Variants in NLRP3 observed in about 807,000 individuals in gnomAD.
NLRP3 encodes the protein NLR family pyrin domain containing 3.
NLRP3 carries 48 observed loss-of-function variants against 91.3 expected under a neutral mutation model. The observed-to-expected ratio is 0.53, with a 90% CI of 0.42 to 0.67. The LOEUF (loss-of-function observed/expected upper bound fraction) is 0.67. Among genes scored for constraint, NLRP3 ranks in the 30% least tolerant of loss-of-function variants. The pLI is 0.00. For synonymous variants in NLRP3, 561 were observed against 507.9 expected (o/e 1.10, Z -1.41); for missense variants, 982 against 1,276.9 (o/e 0.77, Z 3.52).
chr1:247,419,164 A>ATTTTTTTT lies in NLRP3; in HGVS notation c.277+89_277+96dup, dbSNP rs796602770. On this transcript the variant is annotated intron_variant, in intron 2 of 9. Coordinates refer to ENST00000336119, the MANE Select transcript of NLRP3 (RefSeq NM_001243133.2). ...CATCTTTATATATATATATATATAT[A>ATTTTTTTT]TTTTTTTTTGAGACGGAGTTGCTCT... 21 of 693,364 alleles carry ATTTTTTTT rather than the reference A, an allele frequency of 3.0e-5. No individual in the cohort carries two copies. The African/African-American group carries it at 6.4e-4, about 21-fold the overall frequency. The allele number at this position is 693,364 out of a possible 1,614,324, so 43.0% of individuals were successfully genotyped here. A position where few individuals can be genotyped will look rare whatever the true frequency, so the allele number is the denominator to read the frequency against.
At chr1:247,429,175 G>T (rs967608501) in intron 4 of NLRP3, among the ~76,000 whole-genome samples, 1 of 152,312 alleles carries the variant, frequency 6.6e-6, no homozygotes, top group Admixed American at 6.5e-5. Context: ...TTACAGGTGT[G>T]AGCCACCATG....
In NLRP3 at chr1:247,425,289, G is replaced by A. The variant is rs1332074159; in HGVS notation, c.1840G>A (p.Ala614Thr). 6.2e-7 allele frequency: 1 copy of A among 1,614,042 alleles called. No homozygotes were observed. The highest frequency in any genetic ancestry group is 8.5e-7 in the Non-Finnish European group (1 of 1,180,034). The change falls in exon 4 of 10, where the codon GCC (alanine) becomes ACC (threonine). Residue 614 changes from alanine to threonine, a missense_variant. By Grantham distance (58) the Ala-to-Thr change is moderately conservative. Around this residue, in one of 5 missense-constraint regions of NLRP3, gnomAD observed 32 missense variants for 60.3 expected, o/e 0.53. Coordinates refer to ENST00000336119, the MANE Select transcript of NLRP3 (RefSeq NM_001243133.2). The surrounding 1 kb of genome is among the most constrained non-coding windows in gnomAD (Gnocchi z 4.1). ...LELLKWIEVK[A>T]KAKKLQIQPS... is the part of the protein sequence containing the mutation. ...GCTGCTGAAATGGATTGAAGTGAAAGCCAAAGCTAAAAAGCTGCAGATCCA... is the reference window on the plus strand; with the variant it reads ...GCTGCTGAAATGGATTGAAGTGAAAACCAAAGCTAAAAAGCTGCAGATCCA...
chr1:247,427,646 T>A (rs1662996115), intron 4 of NLRP3, among the ~76,000 whole-genome samples: 1 of 147,126 alleles, frequency 6.8e-6, no homozygotes, highest in African/African-American at 2.5e-5. Flanking sequence ...CAGCACCCAT[T>A]TCTCTAGATA....
intron 7 of NLRP3, among the ~76,000 whole-genome samples, chr1:247,437,874 G>A (rs980415196): frequency 6.6e-6 from 1 of 152,238 alleles, no homozygotes; most frequent in Non-Finnish European, 1.5e-5. Flanking sequence ...GATGGGCTGT[G>A]AAGGAGCCGG....
chr1:247,444,115 A>G lies in NLRP3; in HGVS notation c.2807A>G (p.His936Arg), dbSNP rs1329217260. 6.2e-7 allele frequency: 1 copy of G among 1,614,016 alleles called. No individual in the cohort carries two copies. Among genetic ancestry groups the G allele is most frequent in the African/African-American group, 1.3e-5 (1 of 74,896 alleles). The change falls in exon 8 of 10, where the codon CAC becomes CGC. Residue 936 changes from histidine (H) to arginine (R), a missense_variant. Around this residue, in one of 5 missense-constraint regions of NLRP3, gnomAD observed 373 missense variants for 431.5 expected, o/e 0.86. Coordinates refer to ENST00000336119, the MANE Select transcript of NLRP3 (RefSeq NM_001243133.2). ...GIKLLCEGLL[H>R]PDCKLQVLEL... ...AAACTACTCTGTGAGGGACTCTTGC[A>G]CCCCGACTGCAAGCTTCAGGTGTTG...
chr1:247,436,144 A>G lies in NLRP3; in HGVS notation c.2663+4A>G. ...AGTGTAACCTGCAGAAACTGGGGTA[A>G]GTCTTCATGGGTGTCTTACCAGAAA... On this transcript the variant is annotated splice_donor_region_variant and intron_variant, in intron 7 of 9. Coordinates refer to ENST00000336119, the MANE Select transcript of NLRP3 (RefSeq NM_001243133.2). 6.2e-7 allele frequency: 1 copy of G among 1,614,090 alleles called. No homozygotes were observed. The highest frequency in any genetic ancestry group is 1.1e-5 in the South Asian group (1 of 91,080).
rs1446543107 is a variant in NLRP3 at position 247,416,920 on chromosome 1, CT to C, written c.-749+730del. ...TGCCTCCCTTGAGTGTTATTTATGG[CT>C]TTAGGTTGAGGTGCTTTGCCAAATA... On this transcript the variant is annotated intron_variant, in intron 1 of 9. Coordinates refer to ENST00000336119, the MANE Select transcript of NLRP3 (RefSeq NM_001243133.2). Among the ~76,000 whole-genome samples the C allele has an allele frequency of 1.6e-4, 24 of 152,126 alleles. No homozygotes were observed. The East Asian group carries it at 4.4e-3, about 28-fold the overall frequency.
chr1:247,422,332 T>C (rs1252182753), intron 2 of NLRP3, among the ~76,000 whole-genome samples: 1 of 151,528 alleles, frequency 6.6e-6, no homozygotes, highest in Non-Finnish European at 1.5e-5. Flanking sequence ...GGAGCCATGA[T>C]TGTGTCATTG....
chr1:247,435,884 G>C (rs756935210), intron 6 of NLRP3, 86 bp from the exon 7 acceptor site: 13 of 1,232,130 alleles, frequency 1.1e-5, no homozygotes, highest in Non-Finnish European at 1.6e-5. Context: ...AACTGGAGTA[G>C]AGGCAGTGGC....
rs1169974045 is a variant in NLRP3 at position 247,429,723 on chromosome 1, C to G, written c.2289C>G (p.Leu763=). 1 of 1,614,064 alleles carries G rather than the reference C, an allele frequency of 6.2e-7. No homozygotes were observed. Residue 763 remains leucine (L), a synonymous_variant, in exon 5 of 10, where the codon CTC becomes CTG. Coordinates refer to ENST00000336119, the MANE Select transcript of NLRP3 (RefSeq NM_001243133.2). ...GGATGAGAGTGTTGTGTGAAACGCT[C>G]CAGCATCCTGGCTGTAACATTCGGA... ...DPGMRVLCET[L]QHPGCNIRRL... is the part of the protein sequence containing the mutation.
chr1:247,446,681 C>CTT (rs56193345), intron 9 of NLRP3, among the ~76,000 whole-genome samples: 1 of 152,164 alleles, frequency 6.6e-6, no homozygotes, highest in African/African-American at 2.4e-5. Context: ...AATAGAAGCA[C>CTT]TTTTTCTTCT....
At chr1:247,422,939 G>A (rs1319428318) in intron 2 of NLRP3, among the ~76,000 whole-genome samples, 1 of 152,232 alleles carries the variant, frequency 6.6e-6, no homozygotes, top group African/African-American at 2.4e-5. Context: ...AACTTAGCCT[G>A]CTTCGCATGT....
At chr1:247,447,661 T>TA (rs60831025) in intron 9 of NLRP3, among the ~76,000 whole-genome samples, 84,742 of 151,942 alleles carry the variant, frequency 0.56, 24,046 homozygotes, top group Middle Eastern at 0.69. Context: ...GAACATAAGG[T>TA]AAAAAAATTT....
chr1:247,444,215 GC>G, intron 8 of NLRP3, 73 bp downstream of exon 8: 1 of 1,440,098 alleles, frequency 6.9e-7, no homozygotes, highest in Non-Finnish European at 9.8e-7. Context: ...AGGCAGAGTG[GC>G]CACAAGATAA....
At chr1:247,435,293 C>G (rs1663703246) in intron 6 of NLRP3, among the ~76,000 whole-genome samples, 1 of 152,036 alleles carries the variant, frequency 6.6e-6, no homozygotes, top group African/African-American at 2.4e-5. Context: ...ACATCTATGT[C>G]CATAGCAACA....
chr1:247,431,578 G>A (rs1047289662), intron 5 of NLRP3, among the ~76,000 whole-genome samples: 15 of 152,258 alleles, frequency 9.9e-5, no homozygotes, highest in African/African-American at 3.4e-4. Flanking sequence ...GCGTTTGTTT[G>A]TCTTGCTGTC....
chr1:247,429,788 C>A (rs771742348), intron 5 of NLRP3, 33 bp downstream of exon 5: 1 of 1,609,622 alleles, frequency 6.2e-7, no homozygotes, highest in Non-Finnish European at 8.5e-7. Context: ...TGTGTGAGTG[C>A]AAGTTCATAT....
intron 5 of NLRP3, among the ~76,000 whole-genome samples, chr1:247,433,625 C>A (rs1663513608): frequency 6.6e-6 from 1 of 152,102 alleles, no homozygotes; most frequent in Admixed American, 6.5e-5. Context: ...TTTCTCTATT[C>A]CAGAGCTCTC....
At chr1:247,439,041 C>CATCCATCCATCCATCCATCT (rs1476353813) in intron 7 of NLRP3, among the ~76,000 whole-genome samples, 15 of 140,370 alleles carry the variant, frequency 1.1e-4, no homozygotes, top group Non-Finnish European at 1.4e-4. Context: ...TCCATCCATC[C>CATCCATCCATCCATCCATCT]ATCCATCCAT....
Sources: gnomAD v4.1 joint callset for allele counts (sites outside exome capture counted in the v4.1 genomes callset) on GRCh38, gnomAD v4.1.1 for gene constraint, gnomAD v4.1.1 regional missense constraint, Gnocchi (gnomAD v3.1) non-coding constraint, MANE v1.5 for transcripts, NCBI Gene and HGNC (gene_info 2026-07-23, HGNC 2026-07-21) for gene names.